ARHGEF26: variants seen among roughly 807,000 people sequenced by gnomAD.
ARHGEF26 encodes Rho guanine nucleotide exchange factor (GEF) 26.
Under a neutral mutation model 89.4 loss-of-function variants are expected in ARHGEF26, and 59 were observed. The observed-to-expected ratio is 0.66, with a 90% CI of 0.54 to 0.82. The LOEUF (loss-of-function observed/expected upper bound fraction) is 0.82. Among genes scored for constraint, ARHGEF26 ranks in the 40% least tolerant of loss-of-function variants. The pLI is 0.00. For missense variants in ARHGEF26, 1,234 were observed against 1,085.6 expected (o/e 1.14, Z -1.92); for synonymous variants, 500 against 428.4 (o/e 1.17, Z -2.06).
At chr3:154,237,537 G>T (rs1014046608) in intron 11 of ARHGEF26, among the ~76,000 whole-genome samples, 1 of 41,068 alleles carries the variant, frequency 2.4e-5, no homozygotes, top group Non-Finnish European at 4.3e-5. Context: ...GTGAGACTCC[G>T]TCACACACAC....
At chr3:154,175,708 G>A (rs116988958) in intron 6 of ARHGEF26, among the ~76,000 whole-genome samples, 36 of 152,122 alleles carry the variant, frequency 2.4e-4, no homozygotes, top group Non-Finnish European at 4.3e-4. Flanking sequence ...TCTCAATAAC[G>A]GAAGGAGGGT....
At chr3:154,239,260 GGGAGAGA>G (rs1717313357) in intron 11 of ARHGEF26, among the ~76,000 whole-genome samples, 11 of 115,816 alleles carry the variant, frequency 9.5e-5, no homozygotes, top group African/African-American at 3.6e-4. Context: ...GAGAGAGAGA[GGGAGAGA>G]GAGAGAGAGA....
chr3:154,227,760 G>A (rs1469330202), intron 11 of ARHGEF26, among the ~76,000 whole-genome samples: 1 of 152,108 alleles, frequency 6.6e-6, no homozygotes, highest in Admixed American at 6.5e-5. Context: ...TCTTCCAGCT[G>A]TTGAAATATT....
chr3:154,212,721 T>G (rs1483310362), intron 9 of ARHGEF26, among the ~76,000 whole-genome samples: 1 of 152,050 alleles, frequency 6.6e-6, no homozygotes, highest in Non-Finnish European at 1.5e-5. Context: ...CAGTTTACAA[T>G]AAGGTTCACA....
At chr3:154,155,303 C>A (rs984554041) in intron 6 of ARHGEF26, among the ~76,000 whole-genome samples, 2 of 151,908 alleles carry the variant, frequency 1.3e-5, no homozygotes, top group African/African-American at 4.8e-5. Context: ...AACATTACAT[C>A]AACAAAAGTC....
chr3:154,158,752 A>G (rs1711509493), intron 6 of ARHGEF26, among the ~76,000 whole-genome samples: 1 of 151,924 alleles, frequency 6.6e-6, no homozygotes, highest in South Asian at 2.1e-4. Context: ...ATAACTAAAC[A>G]TCACACATAG....
At chr3:154,224,820 T>C (rs1258374132) in intron 10 of ARHGEF26, among the ~76,000 whole-genome samples, 3 of 152,230 alleles carry the variant, frequency 2.0e-5, no homozygotes, top group African/African-American at 7.2e-5. Flanking sequence ...TAAGCAACCT[T>C]CTTATAAAAG....
At chr3:154,243,912 A>G (rs1717632355) in intron 12 of ARHGEF26, among the ~76,000 whole-genome samples, 1 of 152,234 alleles carries the variant, frequency 6.6e-6, no homozygotes, top group Non-Finnish European at 1.5e-5. Context: ...CATGTTTGCA[A>G]ATATGCAGGT....
chr3:154,186,160 CACACA>C (rs1713518352), intron 6 of ARHGEF26, among the ~76,000 whole-genome samples: 1 of 151,608 alleles, frequency 6.6e-6, no homozygotes, highest in African/African-American at 2.4e-5. Context: ...CACACACACA[CACACA>C]CCCCTATACA....
chr3:154,206,874 TACAGTATCCAAA>T (rs529205035), intron 9 of ARHGEF26, among the ~76,000 whole-genome samples: 316 of 152,296 alleles, frequency 2.1e-3, no homozygotes, highest in African/African-American at 7.3e-3. Context: ...ACTACAGGGC[TACAGTATCCAAA>T]ACAGCATGGT....
Position 154,256,953 on chromosome 3 carries a change from G to A in ARHGEF26, c.*1480G>A, listed in dbSNP as rs1395762544. The A allele has an allele frequency of 6.5e-7, 1 of 1,533,138 alleles. No individual in the cohort carries two copies. The allele number at this position is 1,533,138 out of a possible 1,614,324, so 95.0% of individuals were successfully genotyped here. On this transcript the variant is annotated 3_prime_UTR_variant, in exon 15 of 15. Transcript: ENST00000465093. ...TAAGAGGGGGGAAATGATTTTTACT[G>A]GCAGCTATATTCCCTCTCTGTTCTA...
At chr3:154,210,619 A>C (rs1046544002) in intron 9 of ARHGEF26, among the ~76,000 whole-genome samples, 1 of 151,216 alleles carries the variant, frequency 6.6e-6, no homozygotes, top group Admixed American at 6.6e-5. Flanking sequence ...CTGGCCGCCA[A>C]TTGCATTTGG....
At chr3:154,203,281 T>C (rs549889629) in intron 9 of ARHGEF26, among the ~76,000 whole-genome samples, 2 of 152,318 alleles carry the variant, frequency 1.3e-5, no homozygotes, top group South Asian at 4.1e-4. Context: ...TTTGGTTCTG[T>C]TTATATGCTG....
At chr3:154,249,510 T>A (rs748811863) in intron 12 of ARHGEF26, among the ~76,000 whole-genome samples, 5 of 152,250 alleles carry the variant, frequency 3.3e-5, no homozygotes, top group Non-Finnish European at 5.9e-5. Flanking sequence ...AATTTAGTCG[T>A]CTTTCTCTAC....
chr3:154,222,237 G>C (rs1458834354), intron 10 of ARHGEF26, among the ~76,000 whole-genome samples: 1 of 152,142 alleles, frequency 6.6e-6, no homozygotes, highest in East Asian at 1.9e-4. Flanking sequence ...ATTTTGTAGG[G>C]CATGTGTGTG....
chr3:154,129,558 C>G lies in ARHGEF26; in HGVS notation c.1124-16C>G. ...TTGAGAACAATTAGTGACACATAGG[C>G]CTTGTTTTCTTGCAGAAAATGCTGT... On this transcript the variant is annotated splice_polypyrimidine_tract_variant and intron_variant, in intron 3 of 14. Coordinates refer to ENST00000465093, the MANE Select transcript of ARHGEF26 (RefSeq NM_015595.4). 1 of 1,608,604 alleles carries G rather than the reference C, an allele frequency of 6.2e-7. No homozygotes were observed. The highest frequency in any genetic ancestry group is 1.3e-5 in the African/African-American group (1 of 74,948).
Position 154,239,051 on chromosome 3 carries a change from A to T in ARHGEF26, c.2091-1319A>T, listed in dbSNP as rs115318016. Reference sequence around the variant, plus strand: ...CTGGTTAGAGAGTGGTATGTTTGACACTGGGATTACAGAGAGTTTGTAGTT... The same window carrying T: ...CTGGTTAGAGAGTGGTATGTTTGACTCTGGGATTACAGAGAGTTTGTAGTT... On this transcript the variant is annotated intron_variant, in intron 11 of 14. Coordinates refer to ENST00000465093, the MANE Select transcript of ARHGEF26 (RefSeq NM_015595.4). Among the ~76,000 whole-genome samples the T allele has an allele frequency of 1.6e-3, 237 of 152,196 alleles. 2 individuals carry two copies. The highest frequency in any genetic ancestry group is 7.9e-3 in the South Asian group (38 of 4,816).
rs368689307 is a variant in ARHGEF26, at chr3:154,147,184, C to T, written c.1270-2205C>T. ...CTTTGGGAGGCTAAGGTGAGCGGATCGCCTGAGGTCAGGAGTTCCAGACCA... is the reference window on the plus strand; with the variant it reads ...CTTTGGGAGGCTAAGGTGAGCGGATTGCCTGAGGTCAGGAGTTCCAGACCA... On this transcript the variant is annotated intron_variant, in intron 4 of 14. Coordinates refer to ENST00000465093, the MANE Select transcript of ARHGEF26 (RefSeq NM_015595.4). 4.6e-5 allele frequency among the ~76,000 whole-genome samples: 7 copies of T among 152,152 alleles called. No individual in the cohort carries two copies. In the South Asian group the frequency reaches 6.2e-4, roughly 14 times the overall value.
At chr3:154,193,931 C>T (rs563893405) in intron 8 of ARHGEF26, among the ~76,000 whole-genome samples, 20 of 152,030 alleles carry the variant, frequency 1.3e-4, no homozygotes, top group African/African-American at 4.8e-4. Context: ...ACCTCCCAGG[C>T]TCAAGTGACC....
Sources: gnomAD v4.1 joint callset for allele counts (sites outside exome capture counted in the v4.1 genomes callset) on GRCh38, gnomAD v4.1.1 for gene constraint, MANE v1.5 for transcripts, NCBI Gene and HGNC (gene_info 2026-07-23, HGNC 2026-07-21) for gene names.